Variants in RANBP3 observed in about 807,000 individuals in gnomAD.
The protein encoded by RANBP3 is ran-binding protein 3.
Under a neutral mutation model 77.3 loss-of-function variants are expected in RANBP3, and 14 were observed. The ratio of observed to expected loss-of-function variants is 0.18; its 90% CI spans 0.12 to 0.28. The LOEUF (loss-of-function observed/expected upper bound fraction) is 0.28. Among genes scored for constraint, RANBP3 ranks in the 10% least tolerant of loss-of-function variants. RANBP3 has a pLI of 1.00. For missense variants in RANBP3, 586 were observed against 752.3 expected, an observed-to-expected ratio of 0.78 and a Z score of 2.59; for synonymous variants, 315 against 312.4, an observed-to-expected ratio of 1.01 and a Z score of -0.09.
intron 3 of RANBP3, among the ~76,000 whole-genome samples, chr19:5,945,056 C>G (rs1418007934): frequency 6.6e-6 from 1 of 152,194 alleles, no homozygotes; most frequent in Non-Finnish European, 1.5e-5. Flanking sequence ...ACCTCCAGGC[C>G]CCTTATACTC....
At position 5,932,522 on chromosome 19, in the gene RANBP3, C is replaced by T. The variant is rs375362537; in HGVS notation, c.495G>A (p.Lys165=). 41 of 1,613,698 alleles carry T rather than the reference C, an allele frequency of 2.5e-5. No individual in the cohort carries two copies. Among genetic ancestry groups the T allele is most frequent in the Non-Finnish European group, 3.2e-5 (38 of 1,180,032 alleles). The change falls in exon 7 of 17, where the codon AAG becomes AAA. Residue 165 remains lysine, a synonymous_variant. Transcript: ENST00000340578. ...GGCGAAGCACGCTCCGCTGCTGCTC[C>T]TTGGGCTTCTGGCTTGGCAGACCTA... ...PSAGLPSQKP[K]EQQRSVLRPA... is the part of the protein sequence containing the mutation.
At chr19:5,918,427 G>T in intron 15 of RANBP3, 69 bp downstream of exon 15, 4 of 1,400,678 alleles carry the variant, frequency 2.9e-6, no homozygotes, top group Non-Finnish European at 3.8e-6. Context: ...TGCCTGATCT[G>T]TGTGCCCAGG....
intron 3 of RANBP3, among the ~76,000 whole-genome samples, chr19:5,945,977 G>A (rs1052619085): frequency 2.7e-5 from 4 of 149,654 alleles, no homozygotes; most frequent in African/African-American, 9.9e-5. Flanking sequence ...CTCCTGCCTC[G>A]GTGGCCTCCT....
At chr19:5,969,074 C>T (rs2058501034) in intron 1 of RANBP3, among the ~76,000 whole-genome samples, 1 of 152,100 alleles carries the variant, frequency 6.6e-6, no homozygotes, top group African/African-American at 2.4e-5. Flanking sequence ...GTCAAAGGTT[C>T]TAAGGAAAGG....
chr19:5,929,649 G>C (rs2057961572), intron 8 of RANBP3, among the ~76,000 whole-genome samples: 1 of 152,220 alleles, frequency 6.6e-6, no homozygotes, highest in African/African-American at 2.4e-5. Context: ...TCCCCCATGG[G>C]TCGCCCCCAA....
chr19:5,927,838 G>A lies in RANBP3; in HGVS notation c.813+130C>T, dbSNP rs373903762. 9.8e-6 allele frequency: 12 copies of A among 1,223,646 alleles called. No homozygotes were observed. The East Asian group carries it at 2.6e-4, about 26-fold the overall frequency. 75.8% of individuals were successfully genotyped at this position (1,223,646 alleles called of 1,614,324 possible). A position where few individuals can be genotyped will look rare whatever the true frequency, so the allele number is the denominator to read the frequency against. ...CAGCAGACTGTGCCGTGAGCCATGG[G>A]GCTGCCTCGCTAACACCTTCTTTGT... On this transcript the variant is annotated intron_variant, in intron 9 of 16. Coordinates refer to ENST00000340578, the MANE Select transcript of RANBP3 (RefSeq NM_007322.3).
At chr19:5,941,493 C>T (rs909363751) in intron 5 of RANBP3, 128 bp downstream of exon 5, 14 of 820,396 alleles carry the variant, frequency 1.7e-5, no homozygotes, top group African/African-American at 1.6e-4. Flanking sequence ...TGACAGAGCC[C>T]GAGCCTCAGA....
Position 5,923,841 on chromosome 19 carries a change from G to C in RANBP3, c.1070C>G (p.Ser357Cys), listed in dbSNP as rs1599722984. The C allele has an allele frequency of 1.2e-6, 2 of 1,614,092 alleles. No homozygotes were observed. The highest frequency in any genetic ancestry group is 1.1e-5 in the South Asian group (1 of 91,076). The change falls in exon 12 of 17, where the codon TCC becomes TGC. Residue 357 changes from serine (S) to cysteine (C), a missense_variant. By Grantham distance (112) the Ser-to-Cys change is moderately radical. Transcript: ENST00000340578. ...CTCAGGGGTGGCCTCCTGGGACGAG[G>C]ACTCAGACCCTGACTCGGCAGCTGC... is the stretch of plus-strand genomic sequence containing the variant. ...ENAAAESGSE[S>C]SSQEATPEKE...
At chr19:5,967,684 C>A (rs2058483980) in intron 1 of RANBP3, among the ~76,000 whole-genome samples, 1 of 152,110 alleles carries the variant, frequency 6.6e-6, no homozygotes, top group Non-Finnish European at 1.5e-5. Context: ...CACTTCTGAA[C>A]AGAAACCCCA....
In RANBP3 at chr19:5,922,828, TACTCAGGCG is replaced by T. The variant is rs552685047; in HGVS notation, c.1209+357_1209+365del. On this transcript the variant is annotated intron_variant, in intron 13 of 16. Transcript: ENST00000340578. ...GGTGGTGCACACCTGTAATCCCAGC[TACTCAGGCG>T]ACTGAGGCACAAGAATCCCTTGAAC... Among the ~76,000 whole-genome samples, 3 of 152,284 alleles carry T rather than the reference TACTCAGGCG, an allele frequency of 2.0e-5. No homozygotes were observed. In the East Asian group the frequency reaches 5.8e-4, roughly 29 times the overall value.
chr19:5,928,585 G>A (rs914881183), intron 8 of RANBP3: 10 of 151,698 alleles, frequency 6.6e-5, no homozygotes, highest in East Asian at 1.9e-4. Context: ...CCGTGTGTGT[G>A]GTGTGTGTGT....
chr19:5,951,666 A>T, intron 2 of RANBP3, 70 bp from the exon 3 acceptor site: 1 of 1,418,996 alleles, frequency 7.0e-7, no homozygotes, highest in Non-Finnish European at 9.7e-7. Flanking sequence ...AAGGGCGGGC[A>T]GGGGTCAGAG....
chr19:5,973,785 G>T (rs1021987668), intron 1 of RANBP3, among the ~76,000 whole-genome samples: 1 of 152,206 alleles, frequency 6.6e-6, no homozygotes, highest in Admixed American at 6.5e-5. Flanking sequence ...AGAGACTGGT[G>T]CTAAACAATG....
At position 5,960,412 on chromosome 19, in the gene RANBP3, C is replaced by T. The variant is rs78907049; in HGVS notation, c.23-2439G>A. ...CAGGCCTCAAAGTGACGCTAAGATG[C>T]TTTCTTTCTCTTCACAGCAAGTGTC... is the stretch of plus-strand genomic sequence containing the variant. On this transcript the variant is annotated intron_variant, in intron 1 of 16. Coordinates refer to ENST00000340578, the MANE Select transcript of RANBP3 (RefSeq NM_007322.3). 3.0e-4 allele frequency among the ~76,000 whole-genome samples: 45 copies of T among 152,306 alleles called. No homozygotes were observed. The East Asian group carries it at 8.3e-3, about 28-fold the overall frequency.
chr19:5,955,724 G>A (rs910642321), intron 2 of RANBP3, among the ~76,000 whole-genome samples: 2 of 152,204 alleles, frequency 1.3e-5, no homozygotes, highest in African/African-American at 4.8e-5. Flanking sequence ...CAAAGGGTCA[G>A]ATACTAAATA....
intron 1 of RANBP3, among the ~76,000 whole-genome samples, chr19:5,970,644 C>T (rs2058519547): frequency 6.6e-6 from 1 of 152,130 alleles, no homozygotes; most frequent in Non-Finnish European, 1.5e-5. Flanking sequence ...GCCCCAATGT[C>T]AAGAATACTG....
At chr19:5,933,173 G>T in intron 6 of RANBP3, 1 of 480,564 alleles carries the variant, frequency 2.1e-6, no homozygotes, top group South Asian at 3.0e-5. Flanking sequence ...GATGCACCCC[G>T]CCTAGCCTGC....
chr19:5,977,018 C>G (rs2058600374), intron 1 of RANBP3, among the ~76,000 whole-genome samples: 1 of 152,190 alleles, frequency 6.6e-6, no homozygotes, highest in South Asian at 2.1e-4. Context: ...CCAGGGAAAA[C>G]AGTATGTCAA....
intron 5 of RANBP3, among the ~76,000 whole-genome samples, chr19:5,934,951 G>A (rs757229072): frequency 6.6e-6 from 1 of 152,182 alleles, no homozygotes; most frequent in Non-Finnish European, 1.5e-5. Flanking sequence ...AAGGAGCTGA[G>A]CGGTTACCAG....
Sources: gnomAD v4.1 joint callset for allele counts (sites outside exome capture counted in the v4.1 genomes callset) on GRCh38, gnomAD v4.1.1 for gene constraint, MANE v1.5 for transcripts, NCBI Gene and HGNC (gene_info 2026-07-23, HGNC 2026-07-21) for gene names.